APC2: variants seen among roughly 807,000 people sequenced by gnomAD.
APC2 encodes adenomatous polyposis coli protein 2.
In APC2, 41 loss-of-function variants were observed where a neutral mutation model predicts 72.5. That is an observed-to-expected ratio of 0.57 (90% CI 0.44 to 0.73). APC2 has a LOEUF of 0.73. APC2 is among the 30% of genes least tolerant of loss of function. The probability of loss-of-function intolerance (pLI) is 0.00; values close to 1 mark genes in which losing one functional copy is unlikely to be tolerated. For synonymous variants in APC2, 1,898 were observed against 1,612.0 expected, an observed-to-expected ratio of 1.18 and a Z score of -4.25; for missense variants, 3,729 against 3,403.4, an observed-to-expected ratio of 1.10 and a Z score of -2.38.
chr19:1,457,898 G>GGGGGGGGGGGGGGGGGGC, intron 9 of APC2, 67 bp from the exon 10 acceptor site: 1 of 1,432,322 alleles, frequency 7.0e-7, no homozygotes, highest in African/African-American at 1.6e-5. Flanking sequence ...CGGGTTGCGG[G>GGGGGGGGGGGGGGGGGGC]ACCTTCGGGA....
intron 1 of APC2, among the ~76,000 whole-genome samples, chr19:1,450,780 A>T (rs2083733909): frequency 6.6e-6 from 1 of 152,112 alleles, no homozygotes; most frequent in South Asian, 2.1e-4. Flanking sequence ...TCAGGGAGTG[A>T]TCGCTCAGGA....
chr19:1,455,005 A>T, intron 4 of APC2, 144 bp from the exon 5 acceptor site: 1 of 152,610 alleles, frequency 6.6e-6, no homozygotes, highest in Non-Finnish European at 1.2e-5. Context: ...CCCTTACCCT[A>T]GCTCGGGGAG....
intron 10 of APC2, 81 bp downstream of exon 10, chr19:1,458,141 G>A (rs2083867821): frequency 1.6e-5 from 21 of 1,324,224 alleles, no homozygotes; most frequent in Non-Finnish European, 2.1e-5. Flanking sequence ...AGGGACACAG[G>A]CTGGGTCATC....
At chr19:1,449,864 A>T (rs904595523), upstream of APC2, among the ~76,000 whole-genome samples, 6 of 152,156 alleles carry the variant, frequency 3.9e-5, no homozygotes, top group Non-Finnish European at 7.4e-5. Flanking sequence ...CAGACGCAGG[A>T]GGTTTTAAGA....
intron 4 of APC2, among the ~76,000 whole-genome samples, chr19:1,453,980 G>A (rs1025118196): frequency 6.6e-6 from 1 of 152,224 alleles, no homozygotes; most frequent in African/African-American, 2.4e-5. Flanking sequence ...GCTCAAAGCC[G>A]TCTTTGTAGA....
chr19:1,463,868 C>T (rs994239920), intron 14 of APC2, among the ~76,000 whole-genome samples: 1 of 152,058 alleles, frequency 6.6e-6, no homozygotes, highest in African/African-American at 2.4e-5. Context: ...AAATACACAT[C>T]GGATATACTA....
rs2084138848 is a variant in APC2 at position 1,471,800 on chromosome 19, T to G, written c.*1587T>G. On this transcript the variant is annotated 3_prime_UTR_variant, in exon 15 of 15. Transcript: ENST00000590469. ...TCCCCAGCATGGGCAAGGCCAGCCTTTCTGGCAGAAGGAGCTGTCCTCAAC... is the reference window on the plus strand; with the variant it reads ...TCCCCAGCATGGGCAAGGCCAGCCTGTCTGGCAGAAGGAGCTGTCCTCAAC... 6.6e-6 allele frequency: 1 copy of G among 152,322 alleles called. No individual in the cohort carries two copies. The highest frequency in any genetic ancestry group is 1.5e-5 in the Non-Finnish European group (1 of 68,116). The allele number at this position is 152,322 out of a possible 1,614,324, so 9.4% of individuals were successfully genotyped here.
At position 1,465,174 on chromosome 19, in the gene APC2, A is replaced by C. The variant is rs886820805; in HGVS notation, c.1873A>C (p.Asn625His). ...EDYRQVLRDH[N>H]CLQTLLQHLT... ...CTACAGGCAGGTGCTCCGGGATCACAACTGTCTGCAGACGCTGCTGCAGCA... is the reference window on the plus strand; with the variant it reads ...CTACAGGCAGGTGCTCCGGGATCACCACTGTCTGCAGACGCTGCTGCAGCA... The change falls in exon 15 of 15, where the codon AAC becomes CAC. Residue 625 changes from asparagine (N) to histidine (H), a missense_variant. By Grantham distance (68) the Asn-to-His change is moderately conservative. Transcript: ENST00000590469. The C allele has an allele frequency of 2.5e-6, 4 of 1,603,850 alleles. No homozygotes were observed. In the African/African-American group the frequency reaches 5.4e-5, roughly 21 times the overall value.
chr19:1,470,027 A>T lies in APC2; in HGVS notation c.6726A>T (p.Ala2242=). ...GPSLAKAPIS[A]PFVHEGLGVA... is the part of the protein sequence containing the mutation. Reference sequence around the variant, plus strand: ...GCCTCGCCAAGGCTCCCATCTCCGCACCCTTCGTGCACGAGGGCCTGGGGG... The same window carrying T: ...GCCTCGCCAAGGCTCCCATCTCCGCTCCCTTCGTGCACGAGGGCCTGGGGG... Residue 2242 remains alanine, a synonymous_variant, in exon 15 of 15, where the codon GCA becomes GCT. Transcript: ENST00000590469. 1.0e-5 allele frequency: 16 copies of T among 1,559,040 alleles called. No homozygotes were observed. The highest frequency in any genetic ancestry group is 1.4e-5 in the Non-Finnish European group (16 of 1,158,112).
Position 1,460,345 on chromosome 19 carries a change from G to A in APC2, c.1443+25G>A, listed in dbSNP as rs1451851559. 1.9e-6 allele frequency: 3 copies of A among 1,612,890 alleles called. No individual in the cohort carries two copies. The East Asian group carries it at 6.7e-5, about 36-fold the overall frequency. On this transcript the variant is annotated intron_variant, in intron 11 of 14. Coordinates refer to ENST00000590469, the MANE Select transcript of APC2 (RefSeq NM_005883.3). ...GGTGCCCGGGGGCAGTGGGTGGGCT[G>A]GCACTTTCCTCATCCAGTCTTCCAG...
intron 4 of APC2, among the ~76,000 whole-genome samples, chr19:1,454,376 T>G (rs1202043998): frequency 8.1e-5 from 12 of 147,500 alleles, no homozygotes; most frequent in African/African-American, 2.9e-4. Flanking sequence ...TTTTTTTTTT[T>G]TTGTTTAGTA....
chr19:1,461,178 A>G (rs1568173733), intron 13 of APC2, 25 bp downstream of exon 13: 1 of 1,583,740 alleles, frequency 6.3e-7, no homozygotes, highest in Non-Finnish European at 8.6e-7. Flanking sequence ...GGCGGCAGGG[A>G]TGCTTCTTCA....
In APC2 at chr19:1,467,280, C is replaced by T. The variant is rs535779056; in HGVS notation, c.3979C>T (p.Pro1327Ser). The T allele has an allele frequency of 1.8e-4, 237 of 1,314,972 alleles. No homozygotes were observed. In the African/African-American group the frequency reaches 3.5e-3, roughly 20 times the overall value. 81.5% of individuals were successfully genotyped at this position (1,314,972 alleles called of 1,614,324 possible). A position where few individuals can be genotyped will look rare whatever the true frequency, so the allele number is the denominator to read the frequency against. Residue 1327 changes from proline (P) to serine (S), a missense_variant, in exon 15 of 15, where the codon CCC becomes TCC. Pro to Ser is a moderately conservative substitution (Grantham distance 74). Coordinates refer to ENST00000590469, the MANE Select transcript of APC2 (RefSeq NM_005883.3). ...GHRRREEGPAPTGSRPRGAAD... is the reference protein window; with the variant it reads ...GHRRREEGPASTGSRPRGAAD... ...CCGGCGGCGGGAGGAGGGGCCGGCG[C>T]CCACGGGTTCTCGCCCTCGCGGCGC...
chr19:1,457,269 C>G, intron 9 of APC2, 26 bp downstream of exon 9: 3 of 1,491,968 alleles, frequency 2.0e-6, no homozygotes, highest in Non-Finnish European at 2.7e-6. Flanking sequence ...GGTGGGCCCC[C>G]TCCGCGCAAT....
At chr19:1,446,650 C>T (rs1251486984), upstream of APC2, among the ~76,000 whole-genome samples, 1 of 151,974 alleles carries the variant, frequency 6.6e-6, no homozygotes, top group African/African-American at 2.4e-5. The surrounding 1 kb of genome is among the most constrained non-coding windows in gnomAD (Gnocchi z 6.1). Flanking sequence ...CTCCTCACTG[C>T]GCCGACGCGG....
Position 1,452,907 on chromosome 19 carries a change from CA to C in APC2, c.-18-76del. 2.0e-6 allele frequency: 3 copies of C among 1,507,060 alleles called. No homozygotes were observed. The highest frequency in any genetic ancestry group is 1.8e-6 in the Non-Finnish European group (2 of 1,121,270). The allele number at this position is 1,507,060 out of a possible 1,614,324, so 93.4% of individuals were successfully genotyped here. A position where few individuals can be genotyped will look rare whatever the true frequency, so the allele number is the denominator to read the frequency against. ...CAGGCAGGACGGCTGGGGCTTAGGT[CA>C]GGGGCCGTCTGTCCGGAAGGCATCA... On this transcript the variant is annotated intron_variant, in intron 1 of 14. Transcript: ENST00000590469. This position sits in a 1 kb window ranked among gnomAD's most constrained non-coding sequence, Gnocchi z 5.1.
chr19:1,465,849 G>T lies in APC2; in HGVS notation c.2548G>T (p.Ala850Ser). ...AAKAKAKLALAVARIDQLVED... is the reference protein window; with the variant it reads ...AAKAKAKLALSVARIDQLVED... ...CAAGGCCAAGGCCAAGCTGGCGCTT[G>T]CAGTGGCGCGCATCGACCAGCTGGT... The change falls in exon 15 of 15, where the codon GCA (alanine) becomes TCA (serine). Residue 850 changes from alanine (A) to serine (S), a missense_variant. Ala to Ser is a moderately conservative substitution (Grantham distance 99). Transcript: ENST00000590469. The T allele has an allele frequency of 1.9e-6, 3 of 1,571,798 alleles. No homozygotes were observed. Among genetic ancestry groups the T allele is most frequent in the Non-Finnish European group, 2.6e-6 (3 of 1,160,742 alleles).
chr19:1,460,163 C>T lies in APC2; in HGVS notation c.1304-18C>T, dbSNP rs1005228544. On this transcript the variant is annotated intron_variant, in intron 10 of 14. Transcript: ENST00000590469. ...AGGGTCATCCCTGCCACCCACCAAC[C>T]TTGTTGGGTCCTCACAGGTGGGCTG... 11 of 1,612,992 alleles carry T rather than the reference C, an allele frequency of 6.8e-6. No individual in the cohort carries two copies. Among genetic ancestry groups the T allele is most frequent in the Non-Finnish European group, 9.3e-6 (11 of 1,179,966 alleles).
At position 1,465,676 on chromosome 19, in the gene APC2, C is replaced by A; in HGVS notation, c.2375C>A (p.Ala792Asp). The A allele has an allele frequency of 6.3e-7, 1 of 1,596,006 alleles. No individual in the cohort carries two copies. Among genetic ancestry groups the A allele is most frequent in the Middle Eastern group, 1.7e-4 (1 of 6,034 alleles). Residue 792 changes from alanine (A) to aspartate (D), a missense_variant, in exon 15 of 15, where the codon GCC becomes GAC. Coordinates refer to ENST00000590469, the MANE Select transcript of APC2 (RefSeq NM_005883.3). ...CCGTCATCCCTGGCTGCGGCCGCGG[C>A]CACCGGGGAGCCAGCCAGCCCTGCC... The part of the protein sequence containing the change: ...DAPSSLAAAA[A>D]TGEPASPAAL...
Sources: allele counts gnomAD v4.1 joint callset (sites outside exome capture counted in the v4.1 genomes callset), GRCh38; gene constraint gnomAD v4.1.1; non-coding constraint Gnocchi (gnomAD v3.1); transcripts MANE v1.5; gene names NCBI Gene and HGNC (gene_info 2026-07-23, HGNC 2026-07-21).